Variants in DAB1 observed in about 807,000 individuals in gnomAD.
DAB1 encodes disabled homolog 1.
In DAB1, 15 loss-of-function variants were observed where a neutral mutation model predicts 64.6. That is an observed-to-expected ratio of 0.23 (90% CI 0.16 to 0.36). DAB1 has a LOEUF of 0.36. Among genes scored for constraint, DAB1 ranks in the 10% least tolerant of loss-of-function variants. The pLI is 1.00. For synonymous variants in DAB1, 235 were observed against 251.9 expected (o/e 0.93, Z 0.64); for missense variants, 596 against 706.7 (o/e 0.84, Z 1.78).
At chr1:57,056,219 C>T in intron 9 of DAB1, among the ~76,000 whole-genome samples, 1 of 151,606 alleles carries the variant, frequency 6.6e-6, no homozygotes, top group East Asian at 1.9e-4. Flanking sequence ...GTGGTTAAGG[C>T]CAGGTGGAGT....
At chr1:57,144,651 G>A (rs1009507376) in intron 3 of DAB1, among the ~76,000 whole-genome samples, 5 of 148,848 alleles carry the variant, frequency 3.4e-5, no homozygotes, top group African/African-American at 7.5e-5. Context: ...CCGAGATTGC[G>A]CCACTGCACT....
At chr1:58,027,389 T>G (rs577860226) in intron 5 of DAB1, among the ~76,000 whole-genome samples, 43 of 152,282 alleles carry the variant, frequency 2.8e-4, no homozygotes, top group African/African-American at 1.0e-3. Context: ...AAATCTGAGG[T>G]TAAGTTCTTC....
chr1:58,265,344 A>G (rs1364171946), intron 4 of DAB1, among the ~76,000 whole-genome samples: 1 of 152,182 alleles, frequency 6.6e-6, no homozygotes, highest in Non-Finnish European at 1.5e-5. Flanking sequence ...TCTCAAGGCA[A>G]ACTTAAGAGG....
chr1:57,321,369 T>C (rs531629290), intron 1 of DAB1, among the ~76,000 whole-genome samples: 19 of 152,296 alleles, frequency 1.2e-4, no homozygotes, highest in African/African-American at 4.6e-4. Flanking sequence ...CAGCCCACCA[T>C]GGCCCCTTCT....
chr1:57,768,801 A>G (rs1569624834), intron 6 of DAB1, among the ~76,000 whole-genome samples: 1 of 152,228 alleles, frequency 6.6e-6, no homozygotes, highest in African/African-American at 2.4e-5. Flanking sequence ...AATCCAGTCC[A>G]CCAAATATTA....
chr1:58,027,567 A>G (rs995770009), intron 5 of DAB1, among the ~76,000 whole-genome samples: 4 of 152,128 alleles, frequency 2.6e-5, no homozygotes, highest in Non-Finnish European at 5.9e-5. Context: ...GAAATTCTCA[A>G]AAGTTTGGGG....
intron 5 of DAB1, among the ~76,000 whole-genome samples, chr1:58,081,240 T>C (rs777068075): frequency 1.3e-5 from 2 of 152,228 alleles, no homozygotes; most frequent in Non-Finnish European, 2.9e-5. Flanking sequence ...GTTTTCCTCA[T>C]AGGAAAACTA....
chr1:58,477,942 C>CTA (rs1295544406), intron 3 of DAB1, among the ~76,000 whole-genome samples: 1 of 152,094 alleles, frequency 6.6e-6, no homozygotes, highest in Non-Finnish European at 1.5e-5. Flanking sequence ...GTTCCGTGAT[C>CTA]TATAATAGGG....
intron 2 of DAB1, among the ~76,000 whole-genome samples, chr1:57,197,016 G>C (rs1664676868): frequency 6.6e-6 from 1 of 152,154 alleles, no homozygotes; most frequent in African/African-American, 2.4e-5. Flanking sequence ...TCCCACTTTA[G>C]AGATGAGGAT....
chr1:57,215,458 T>C (rs538622931), intron 2 of DAB1, among the ~76,000 whole-genome samples: 173 of 152,312 alleles, frequency 1.1e-3, no homozygotes, highest in Admixed American at 2.2e-3. Flanking sequence ...TTCTGCACCC[T>C]GAATTATGTC....
intron 7 of DAB1, among the ~76,000 whole-genome samples, chr1:57,439,828 T>C (rs1182990028): frequency 6.6e-6 from 1 of 152,106 alleles, no homozygotes; most frequent in African/African-American, 2.4e-5. Context: ...ACAATGACAA[T>C]GATGATAGAA....
At chr1:57,504,152 ATGT>A (rs1456156342) in intron 7 of DAB1, among the ~76,000 whole-genome samples, 1 of 152,210 alleles carries the variant, frequency 6.6e-6, no homozygotes, top group Non-Finnish European at 1.5e-5. Context: ...TATACTGTTA[ATGT>A]TGTTTAAAAC....
At chr1:57,368,937 A>G (rs550884807) in intron 1 of DAB1, among the ~76,000 whole-genome samples, 2 of 152,350 alleles carry the variant, frequency 1.3e-5, no homozygotes, top group African/African-American at 4.8e-5. Flanking sequence ...CACATATACT[A>G]GAAACACTAA....
intron 2 of DAB1, among the ~76,000 whole-genome samples, chr1:57,193,939 T>C (rs1664394585): frequency 6.6e-6 from 1 of 152,216 alleles, no homozygotes; most frequent in Non-Finnish European, 1.5e-5. Flanking sequence ...GCAAAATGGG[T>C]ATAACAGTGA....
chr1:58,248,640 G>T (rs1466467334), intron 4 of DAB1, among the ~76,000 whole-genome samples: 1 of 152,168 alleles, frequency 6.6e-6, no homozygotes, highest in Non-Finnish European at 1.5e-5. Flanking sequence ...CATCGTGCAG[G>T]TATGAAATCC....
intron 4 of DAB1, among the ~76,000 whole-genome samples, chr1:58,257,576 A>C (rs590047): frequency 6.6e-6 from 1 of 152,224 alleles, no homozygotes; most frequent in East Asian, 1.9e-4. Flanking sequence ...ATCATTTATG[A>C]TGTGTGTTGG....
chr1:57,474,957 C>T (rs1444264715), intron 7 of DAB1, among the ~76,000 whole-genome samples: 1 of 152,088 alleles, frequency 6.6e-6, no homozygotes, highest in East Asian at 1.9e-4. Context: ...AGATGAAAGA[C>T]TTGTAAGAAG....
intron 4 of DAB1, among the ~76,000 whole-genome samples, chr1:58,224,286 C>G (rs1195657684): frequency 2.0e-5 from 3 of 152,158 alleles, no homozygotes; most frequent in Non-Finnish European, 2.9e-5. Context: ...AGCACAAGAG[C>G]TTAAATGTAG....
rs148937236 is a variant in DAB1 at position 58,085,143 on chromosome 1, C to G, written n.387+65368G>C. ...GTGATGTTGGCTTGTGACATTGTCT[C>G]TTACTCAGGAGTGGTGGGACCTAGT... On this transcript the variant is annotated intron_variant and non_coding_transcript_variant, in intron 5 of 20. Transcript: ENST00000485760. 6.4e-4 allele frequency among the ~76,000 whole-genome samples: 97 copies of G among 152,246 alleles called. 1 individual carries two copies. The East Asian group carries it at 0.018, about 28-fold the overall frequency.
Sources: allele counts gnomAD v4.1 joint callset (sites outside exome capture counted in the v4.1 genomes callset), GRCh38; gene constraint gnomAD v4.1.1; transcripts MANE v1.5; gene names NCBI Gene and HGNC (gene_info 2026-07-23, HGNC 2026-07-21).